The following MSH4 variants were observed in gnomAD, a reference collection of about 807,000 sequenced individuals.
MSH4 encodes the protein mutS homolog 4.
A neutral mutation model predicts 113.7 loss-of-function variants in MSH4; 106 were observed. That is an observed-to-expected ratio of 0.93 (90% CI 0.80 to 1.10). The LOEUF (loss-of-function observed/expected upper bound fraction) is 1.10. MSH4 is among the 50% of genes least tolerant of loss of function. The pLI is 0.00. For missense variants in MSH4, 1,061 were observed against 1,093.7 expected (o/e 0.97, Z 0.42); for synonymous variants, 368 against 380.2 (o/e 0.97, Z 0.37).
At chr1:75,854,929 T>C (rs898763247) in intron 8 of MSH4, among the ~76,000 whole-genome samples, 13 of 152,298 alleles carry the variant, frequency 8.5e-5, no homozygotes, top group Middle Eastern at 3.4e-3. Flanking sequence ...CTTAAATACT[T>C]AACAGTTTTT....
chr1:75,867,530 C>A lies in MSH4; in HGVS notation c.1247C>A (p.Ser416Ter). The A allele has an allele frequency of 6.3e-7, 1 of 1,592,922 alleles. No individual in the cohort carries two copies. Among genetic ancestry groups the A allele is most frequent in the Non-Finnish European group, 8.6e-7 (1 of 1,168,946 alleles). Reference sequence around the variant, plus strand: ...TCTTAACAGGTCAATGCTGCTGAATCAAAGATAACAAATTTAATATACTTA... The same window carrying A: ...TCTTAACAGGTCAATGCTGCTGAATAAAAGATAACAAATTTAATATACTTA... ...PKQDTVNAAE[S>*]KITNLIYLKH... is the part of the protein sequence containing the mutation. Residue 416 changes from serine (S) to a stop codon, truncating the protein, a stop_gained, in exon 9 of 20, where the codon TCA (serine) becomes TAA (stop). Transcript: ENST00000263187. LOFTEE classifies it high-confidence loss of function.
intron 8 of MSH4, among the ~76,000 whole-genome samples, chr1:75,856,241 TA>T (rs1398178649): frequency 3.3e-5 from 5 of 152,088 alleles, no homozygotes; most frequent in African/African-American, 1.2e-4. Context: ...ATTAGCGCCA[TA>T]AGGTTTTAAA....
chr1:75,810,942 G>T (rs1650177665), intron 4 of MSH4, 135 bp downstream of exon 4: 1 of 409,334 alleles, frequency 2.4e-6, no homozygotes, highest in African/African-American at 2.1e-5. Context: ...CGTGATCTCG[G>T]CTTACTGCAA....
At chr1:75,850,707 G>A (rs1486984879) in intron 8 of MSH4, among the ~76,000 whole-genome samples, 3 of 151,810 alleles carry the variant, frequency 2.0e-5, no homozygotes, top group African/African-American at 4.8e-5. Context: ...ATATCCTTAT[G>A]GTGTTTTACG....
intron 10 of MSH4, among the ~76,000 whole-genome samples, chr1:75,877,770 C>A (rs188878071): frequency 6.6e-6 from 1 of 152,180 alleles, no homozygotes; most frequent in African/African-American, 2.4e-5. Context: ...CTTCACCTAG[C>A]ACAGTGCTTG....
At chr1:75,809,847 C>T (rs868077657) in intron 3 of MSH4, among the ~76,000 whole-genome samples, 1 of 151,968 alleles carries the variant, frequency 6.6e-6, no homozygotes, top group Admixed American at 6.6e-5. Context: ...GACAGGGTTT[C>T]ACCATGTTGG....
At chr1:75,884,241 G>A (rs930188185) in intron 15 of MSH4, among the ~76,000 whole-genome samples, 2 of 152,050 alleles carry the variant, frequency 1.3e-5, no homozygotes. Flanking sequence ...ATTGAGCAGA[G>A]AAACATTTCC....
chr1:75,823,594 T>C (rs944510482), intron 7 of MSH4, among the ~76,000 whole-genome samples: 4 of 152,132 alleles, frequency 2.6e-5, no homozygotes, highest in African/African-American at 9.7e-5. Flanking sequence ...CTTGCATGCA[T>C]TGGGGATTTG....
chr1:75,884,430 A>G (rs1341868828), intron 15 of MSH4, among the ~76,000 whole-genome samples: 1 of 152,122 alleles, frequency 6.6e-6, no homozygotes, highest in Non-Finnish European at 1.5e-5. Flanking sequence ...TATATGAATC[A>G]GAGATGAGAT....
At chr1:75,880,395 G>C (rs1651905535) in intron 13 of MSH4, among the ~76,000 whole-genome samples, 1 of 152,046 alleles carries the variant, frequency 6.6e-6, no homozygotes. Flanking sequence ...CCATGATGTA[G>C]AACTTGGCAC....
intron 8 of MSH4, among the ~76,000 whole-genome samples, chr1:75,859,255 TATTTC>T (rs1489851774): frequency 1.3e-5 from 2 of 152,224 alleles, no homozygotes; most frequent in African/African-American, 2.4e-5. Context: ...TTTGTGTCTC[TATTTC>T]CTTTAGTTCT....
rs139179365 is a variant in MSH4, at chr1:75,816,531, A to C, written c.974A>C (p.Asn325Thr). 23 of 1,577,994 alleles carry C rather than the reference A, an allele frequency of 1.5e-5. No individual in the cohort carries two copies. Among genetic ancestry groups the C allele is most frequent in the Non-Finnish European group, 2.0e-5 (23 of 1,157,670 alleles). Residue 325 changes from asparagine (N) to threonine (T), a missense_variant, in exon 6 of 20, where the codon AAT becomes ACT. Transcript: ENST00000263187. ...SSAQNLELLI[N>T]NQDYRNNHTL... ...GCCCAAAACCTTGAATTGTTAATTAATAATCAAGACTATAGGTAAGATCAT... is the reference window on the plus strand; with the variant it reads ...GCCCAAAACCTTGAATTGTTAATTACTAATCAAGACTATAGGTAAGATCAT...
chr1:75,850,178 G>C (rs912877442), intron 8 of MSH4, among the ~76,000 whole-genome samples: 20 of 151,872 alleles, frequency 1.3e-4, no homozygotes, highest in African/African-American at 4.8e-4. Flanking sequence ...CTGATTTCTG[G>C]TTTTATCACT....
At chr1:75,858,794 G>C (rs1651382496) in intron 8 of MSH4, among the ~76,000 whole-genome samples, 1 of 152,200 alleles carries the variant, frequency 6.6e-6, no homozygotes, top group African/African-American at 2.4e-5. Context: ...ATGAGTTAAA[G>C]AGAATTCCCT....
intron 9 of MSH4, among the ~76,000 whole-genome samples, chr1:75,874,020 T>A (rs1651765369): frequency 6.6e-6 from 1 of 152,214 alleles, no homozygotes; most frequent in Non-Finnish European, 1.5e-5. Context: ...ATGGTTGAGC[T>A]AATTTACATT....
intron 9 of MSH4, among the ~76,000 whole-genome samples, chr1:75,868,536 T>C (rs1651639720): frequency 2.0e-5 from 3 of 152,230 alleles, no homozygotes; most frequent in African/African-American, 7.2e-5. Context: ...ATGAAAAATA[T>C]GGAATAACTT....
chr1:75,873,780 A>G (rs1456045795), intron 9 of MSH4, among the ~76,000 whole-genome samples: 2 of 152,064 alleles, frequency 1.3e-5, no homozygotes, highest in African/African-American at 4.8e-5. Flanking sequence ...ATAGTATTCC[A>G]TGATGTATAT....
At chr1:75,881,705 C>A (rs1170540240) in intron 14 of MSH4, among the ~76,000 whole-genome samples, 2 of 151,976 alleles carry the variant, frequency 1.3e-5, no homozygotes, top group Non-Finnish European at 2.9e-5. Context: ...TTATTAGAAG[C>A]AGCGTGATAA....
At chr1:75,861,183 T>C (rs1434719175) in intron 8 of MSH4, among the ~76,000 whole-genome samples, 1 of 152,146 alleles carries the variant, frequency 6.6e-6, no homozygotes, top group Non-Finnish European at 1.5e-5. Context: ...TCAAGGTTTT[T>C]AGCTTCCTTT....
Sources: allele counts gnomAD v4.1 joint callset (sites outside exome capture counted in the v4.1 genomes callset), GRCh38; gene constraint gnomAD v4.1.1; transcripts MANE v1.5; gene names NCBI Gene and HGNC (gene_info 2026-07-23, HGNC 2026-07-21).